Variants in CELF4 observed in about 807,000 individuals in gnomAD.
The protein encoded by CELF4 is CUGBP Elav-like family member 4.
Under a neutral mutation model 59.9 loss-of-function variants are expected in CELF4, and 18 were observed. The observed-to-expected ratio is 0.30, with a 90% CI of 0.21 to 0.45. CELF4 has a LOEUF of 0.45. Ranked by LOEUF, CELF4 falls within the 20% of genes least tolerant of loss-of-function variation. CELF4 has a pLI of 1.00. For synonymous variants in CELF4, 261 were observed against 267.1 expected, an observed-to-expected ratio of 0.98 and a Z score of 0.22; for missense variants, 456 against 689.0, an observed-to-expected ratio of 0.66 and a Z score of 3.79.
chr18:37,521,425 CTA>C (rs1251932147), intron 1 of CELF4, among the ~76,000 whole-genome samples: 1 of 152,136 alleles, frequency 6.6e-6, no homozygotes, highest in Non-Finnish European at 1.5e-5. Flanking sequence ...TTTCTATAAA[CTA>C]TATCAACTTG....
intron 8 of CELF4, among the ~76,000 whole-genome samples, chr18:37,267,856 T>A (rs1263603303): frequency 1.3e-5 from 2 of 151,914 alleles, no homozygotes; most frequent in African/African-American, 4.8e-5. Flanking sequence ...GCCAACATGG[T>A]GAAAACCCGT....
chr18:37,481,704 T>G (rs1250111376), intron 2 of CELF4, among the ~76,000 whole-genome samples: 1 of 152,198 alleles, frequency 6.6e-6, no homozygotes, highest in Non-Finnish European at 1.5e-5. Context: ...TGCTCCCATC[T>G]GACTCATTTT....
At chr18:37,469,882 C>A (rs2154602513) in intron 2 of CELF4, among the ~76,000 whole-genome samples, 1 of 152,312 alleles carries the variant, frequency 6.6e-6, no homozygotes, top group East Asian at 1.9e-4. Context: ...AACAGCAAAG[C>A]TCCATGGGGT....
chr18:37,349,071 G>A (rs1314991099), intron 2 of CELF4, among the ~76,000 whole-genome samples: 1 of 152,246 alleles, frequency 6.6e-6, no homozygotes, highest in African/African-American at 2.4e-5. Context: ...CACATCCATG[G>A]GGCCTGGAGA....
intron 10 of CELF4, 34 bp from the exon 11 acceptor site, chr18:37,259,298 G>C (rs1416576363): frequency 1.3e-6 from 1 of 783,764 alleles, no homozygotes; most frequent in Admixed American, 2.3e-5. Context: ...CGGGGGAGGA[G>C]GGATGGCAGG....
intron 2 of CELF4, among the ~76,000 whole-genome samples, chr18:37,379,581 G>A (rs1368912118): frequency 1.4e-5 from 2 of 145,760 alleles, no homozygotes; most frequent in Admixed American, 6.8e-5. Flanking sequence ...GGGGTCCCAT[G>A]GAAGCCAGAG....
chr18:37,331,226 G>A lies in CELF4; in HGVS notation c.370-9345C>T, dbSNP rs201211118. Reference sequence around the variant, plus strand: ...ACAAAGCACTTGAGGTTGTGTCAGGGTAATCTGCAGACATGTCTCACCATC... The same window carrying A: ...ACAAAGCACTTGAGGTTGTGTCAGGATAATCTGCAGACATGTCTCACCATC... On this transcript the variant is annotated intron_variant, in intron 2 of 12. Coordinates refer to ENST00000420428, the MANE Select transcript of CELF4 (RefSeq NM_020180.4). 6.6e-5 allele frequency among the ~76,000 whole-genome samples: 10 copies of A among 152,246 alleles called. No individual in the cohort carries two copies. In the East Asian group the frequency reaches 1.9e-3, roughly 29 times the overall value.
chr18:37,434,855 A>G (rs2099684838), intron 2 of CELF4, among the ~76,000 whole-genome samples: 1 of 152,052 alleles, frequency 6.6e-6, no homozygotes, highest in African/African-American at 2.4e-5. Context: ...GTACACCCTC[A>G]AACACCTTCC....
intron 11 of CELF4, among the ~76,000 whole-genome samples, chr18:37,256,000 A>G (rs549630651): frequency 1.3e-5 from 2 of 152,320 alleles, no homozygotes; most frequent in East Asian, 1.9e-4. Flanking sequence ...GTCCAGGGTC[A>G]AGGGAATTTT....
chr18:37,428,164 G>A (rs1164980686), intron 2 of CELF4, among the ~76,000 whole-genome samples: 1 of 152,222 alleles, frequency 6.6e-6, no homozygotes, highest in Non-Finnish European at 1.5e-5. Flanking sequence ...GGGTCCTGTA[G>A]ATGTCAATAT....
At chr18:37,449,569 A>T (rs2099757426) in intron 2 of CELF4, among the ~76,000 whole-genome samples, 1 of 152,154 alleles carries the variant, frequency 6.6e-6, no homozygotes, top group Non-Finnish European at 1.5e-5. Flanking sequence ...CCTGAAGCAC[A>T]CGGTCTAGTG....
intron 2 of CELF4, among the ~76,000 whole-genome samples, chr18:37,414,503 C>CTT (rs55943928): frequency 0.15 from 17,787 of 115,922 alleles, 2,007 homozygotes; most frequent in Admixed American, 0.18. Context: ...CTTTTCTTTT[C>CTT]TTTTTTTTTT....
chr18:37,400,553 G>A (rs1176041183), intron 2 of CELF4, among the ~76,000 whole-genome samples: 4 of 152,172 alleles, frequency 2.6e-5, no homozygotes, highest in African/African-American at 9.7e-5. Flanking sequence ...AAGAATCATT[G>A]GTAGTTAGGT....
At chr18:37,565,021 C>T (rs1434639531) in intron 1 of CELF4, among the ~76,000 whole-genome samples, 1 of 151,992 alleles carries the variant, frequency 6.6e-6, no homozygotes, top group South Asian at 2.1e-4. Flanking sequence ...TGGGCTCGAC[C>T]GGTGCAGCCT....
intron 2 of CELF4, among the ~76,000 whole-genome samples, chr18:37,372,932 C>T (rs915899778): frequency 2.0e-5 from 3 of 151,964 alleles, no homozygotes; most frequent in African/African-American, 7.3e-5. Context: ...GAGGAATATG[C>T]CAGGGGAGGG....
At chr18:37,402,684 C>A (rs532039194) in intron 2 of CELF4, among the ~76,000 whole-genome samples, 2 of 152,300 alleles carry the variant, frequency 1.3e-5, no homozygotes, top group African/African-American at 4.8e-5. Flanking sequence ...AAAGTTCAAG[C>A]CAAAAGGAAC....
At chr18:37,445,762 C>A (rs1186657297) in intron 2 of CELF4, among the ~76,000 whole-genome samples, 2 of 152,046 alleles carry the variant, frequency 1.3e-5, no homozygotes, top group Non-Finnish European at 2.9e-5. Flanking sequence ...TAGAGCTTCC[C>A]CTGAGAAGCT....
At chr18:37,479,333 C>T (rs1041759866) in intron 2 of CELF4, among the ~76,000 whole-genome samples, 2 of 152,354 alleles carry the variant, frequency 1.3e-5, no homozygotes, top group African/African-American at 4.8e-5. Context: ...CACTGTCCCA[C>T]CTTCTACCCA....
chr18:37,245,825 A>C lies in CELF4; in HGVS notation c.*45-628T>G, dbSNP rs550960463. On this transcript the variant is annotated intron_variant, in intron 12 of 12. Transcript: ENST00000420428. This position sits in a 1 kb window ranked among gnomAD's most constrained non-coding sequence, Gnocchi z 4.1. ...TGTGGATATACATGGATATGTGTGT[A>C]TGTATATGCATATATACACACATAC... Among the ~76,000 whole-genome samples the C allele has an allele frequency of 5.3e-5, 8 of 152,194 alleles. No homozygotes were observed. Among genetic ancestry groups the C allele is most frequent in the Non-Finnish European group, 8.8e-5 (6 of 68,046 alleles).
Sources: allele counts gnomAD v4.1 joint callset (sites outside exome capture counted in the v4.1 genomes callset), GRCh38; gene constraint gnomAD v4.1.1; non-coding constraint Gnocchi (gnomAD v3.1); transcripts MANE v1.5; gene names NCBI Gene and HGNC (gene_info 2026-07-23, HGNC 2026-07-21).